The following ANAPC1 variants were observed in gnomAD, a reference collection of about 807,000 sequenced individuals.
ANAPC1 encodes the protein anaphase promoting complex subunit 1, also known as anaphase-promoting complex subunit 1.
A neutral mutation model predicts 208.0 loss-of-function variants in ANAPC1; 36 were observed. The ratio of observed to expected loss-of-function variants is 0.17; its 90% CI spans 0.13 to 0.23. ANAPC1 has a LOEUF of 0.23. ANAPC1 is among the 10% of genes least tolerant of loss of function. The probability of loss-of-function intolerance (pLI) is 1.00; values close to 1 mark genes in which losing one functional copy is unlikely to be tolerated. For synonymous variants in ANAPC1, 378 were observed against 695.2 expected (o/e 0.54, Z 7.18); for missense variants, 942 against 2,011.6 (o/e 0.47, Z 10.17).
Position 111,850,924 on chromosome 2 carries a change from A to G in ANAPC1, c.1516-14T>C. On this transcript the variant is annotated splice_polypyrimidine_tract_variant and intron_variant, in intron 13 of 47. Transcript: ENST00000341068. ...AACCTTTCCCACCTTTAAGCAATAA[A>G]AACATGTGGAAAAAAAAATATTGCC... The G allele has an allele frequency of 6.3e-7, 1 of 1,586,008 alleles. No individual in the cohort carries two copies.
At chr2:111,807,641 A>G (rs1678752313) in intron 29 of ANAPC1, among the ~76,000 whole-genome samples, 1 of 152,218 alleles carries the variant, frequency 6.6e-6, no homozygotes, top group South Asian at 2.1e-4. Flanking sequence ...GCAATGAGCC[A>G]AGATTGCACC....
intron 17 of ANAPC1, 134 bp downstream of exon 17, chr2:111,843,278 T>C: frequency 1.2e-6 from 1 of 802,488 alleles, no homozygotes; most frequent in Non-Finnish European, 2.0e-6. Context: ...AATATATAGA[T>C]ACAATAAACC....
chr2:111,859,508 G>T (rs1408908596), intron 10 of ANAPC1, among the ~76,000 whole-genome samples: 2 of 151,872 alleles, frequency 1.3e-5, no homozygotes, highest in Admixed American at 1.3e-4. Flanking sequence ...TAGTGCTACA[G>T]AAGACCCATA....
chr2:111,864,463 CT>C (rs1156702851), intron 8 of ANAPC1, among the ~76,000 whole-genome samples: 1,182 of 95,106 alleles, frequency 0.012, 7 homozygotes, highest in African/African-American at 0.019. Flanking sequence ...TATATATATA[CT>C]TTTTTTTTTT....
chr2:111,827,541 G>A (rs1401472301), intron 21 of ANAPC1, among the ~76,000 whole-genome samples: 7 of 152,060 alleles, frequency 4.6e-5, no homozygotes, highest in East Asian at 1.9e-4. Flanking sequence ...TATCACTTGC[G>A]GTCAGGAGTT....
chr2:111,869,112 T>G (rs1682594361), intron 6 of ANAPC1, among the ~76,000 whole-genome samples: 1 of 152,212 alleles, frequency 6.6e-6, no homozygotes, highest in African/African-American at 2.4e-5. Flanking sequence ...ATTTAGCTAC[T>G]TTAACTTTGC....
chr2:111,787,475 G>A (rs889383741), intron 39 of ANAPC1, among the ~76,000 whole-genome samples: 1 of 151,770 alleles, frequency 6.6e-6, no homozygotes, highest in Non-Finnish European at 1.5e-5. Context: ...AGGTTACTGT[G>A]ATAAGTGCTC....
rs186307300 is a variant in ANAPC1 at position 111,794,328 on chromosome 2, A to G, written c.4374-5T>C. 5.4e-5 allele frequency: 85 copies of G among 1,584,570 alleles called. No individual in the cohort carries two copies. The African/African-American group carries it at 1.0e-3, about 20-fold the overall frequency. ...ATTATGTAGACATGTGCTTGGCTGA[A>G]AACAGGTGACAAGAAATTTAATAAT... On this transcript the variant is annotated splice_polypyrimidine_tract_variant and splice_region_variant and intron_variant, in intron 35 of 47. Coordinates refer to ENST00000341068, the MANE Select transcript of ANAPC1 (RefSeq NM_022662.4).
At chr2:111,807,517 C>T (rs1678743322) in intron 29 of ANAPC1, among the ~76,000 whole-genome samples, 1 of 151,830 alleles carries the variant, frequency 6.6e-6, no homozygotes, top group African/African-American at 2.4e-5. Context: ...CCATGAAACC[C>T]TGTCTCTACT....
At chr2:111,871,472 C>T (rs533928287) in intron 6 of ANAPC1, among the ~76,000 whole-genome samples, 2 of 152,180 alleles carry the variant, frequency 1.3e-5, no homozygotes, top group South Asian at 4.1e-4. Context: ...AATTTTTGGC[C>T]AGGTGCGGTG....
intron 13 of ANAPC1, among the ~76,000 whole-genome samples, chr2:111,853,454 C>T (rs1301841611): frequency 6.6e-6 from 1 of 151,886 alleles, no homozygotes; most frequent in Non-Finnish European, 1.5e-5. Flanking sequence ...CAATTCTGTT[C>T]AAGTTTGGCA....
At chr2:111,859,856 G>A (rs547099714) in intron 10 of ANAPC1, among the ~76,000 whole-genome samples, 1 of 152,130 alleles carries the variant, frequency 6.6e-6, no homozygotes, top group South Asian at 2.1e-4. Context: ...CCTCTGTTCT[G>A]TATTTTCAAT....
At chr2:111,847,229 A>C in intron 15 of ANAPC1, 31 bp from the exon 16 acceptor site, 1 of 1,561,974 alleles carries the variant, frequency 6.4e-7, no homozygotes, top group Non-Finnish European at 8.8e-7. Flanking sequence ...AAGTAGATAA[A>C]ATCTGTGCAT....
intron 9 of ANAPC1, among the ~76,000 whole-genome samples, 162 bp from the exon 10 acceptor site, chr2:111,862,760 G>A (rs1374479043): frequency 6.6e-6 from 1 of 151,914 alleles, no homozygotes; most frequent in Admixed American, 6.6e-5. Flanking sequence ...CTATTTAAAT[G>A]GTTCATGTCA....
intron 47 of ANAPC1, among the ~76,000 whole-genome samples, chr2:111,769,636 T>C (rs1201906151): frequency 1.3e-5 from 2 of 151,672 alleles, no homozygotes; most frequent in Non-Finnish European, 2.9e-5. Context: ...GGATTCTGGA[T>C]TTTTTTAGAT....
intron 39 of ANAPC1, 130 bp from the exon 40 acceptor site, chr2:111,785,607 A>C (rs1355813265): frequency 5.0e-5 from 24 of 482,504 alleles, no homozygotes; most frequent in Non-Finnish European, 6.5e-5. Flanking sequence ...AGAAATCTTA[A>C]AGGCAGATAA....
At position 111,816,751 on chromosome 2, in the gene ANAPC1, T is replaced by C. The variant is rs1160067616; in HGVS notation, c.3326-1110A>G. Among the ~76,000 whole-genome samples, 2 of 140,152 alleles carry C rather than the reference T, an allele frequency of 1.4e-5. 1 individual carries two copies. The highest frequency in any genetic ancestry group is 5.4e-5 in the African/African-American group (2 of 37,378). 91.9% of individuals were successfully genotyped at this position (140,152 alleles called of 152,430 possible). On this transcript the variant is annotated intron_variant, in intron 27 of 47. Coordinates refer to ENST00000341068, the MANE Select transcript of ANAPC1 (RefSeq NM_022662.4). ...ATTTTTAAAGAGTTCTAAGATGTTA[T>C]GTAAAATAAATTTTAAGTAGATGCA...
intron 33 of ANAPC1, among the ~76,000 whole-genome samples, chr2:111,801,360 A>G (rs1250735387): frequency 1.4e-5 from 2 of 146,160 alleles, no homozygotes; most frequent in Non-Finnish European, 3.0e-5. Context: ...CCATCTCATA[A>G]AAAAAAAAAA....
chr2:111,790,632 A>G (rs1227176941), intron 38 of ANAPC1, among the ~76,000 whole-genome samples: 1 of 152,078 alleles, frequency 6.6e-6, no homozygotes, highest in African/African-American at 2.4e-5. Flanking sequence ...AGATAGGAGA[A>G]TATCTCCTTT....
Sources: allele counts gnomAD v4.1 joint callset (sites outside exome capture counted in the v4.1 genomes callset), GRCh38; gene constraint gnomAD v4.1.1; transcripts MANE v1.5; gene names NCBI Gene and HGNC (gene_info 2026-07-23, HGNC 2026-07-21).